Variants in STK3 observed in about 807,000 individuals in gnomAD.
STK3 encodes serine/threonine-protein kinase 3.
STK3 carries 41 observed loss-of-function variants against 58.0 expected under a neutral mutation model. That is an observed-to-expected ratio of 0.71 (90% CI 0.55 to 0.92). STK3 has a LOEUF of 0.92. Ranked by LOEUF, STK3 falls within the 40% of genes least tolerant of loss-of-function variation. The pLI is 0.00. For synonymous variants in STK3, 170 were observed against 191.0 expected, an observed-to-expected ratio of 0.89 and a Z score of 0.91; for missense variants, 479 against 602.7, an observed-to-expected ratio of 0.79 and a Z score of 2.15.
intron 4 of STK3, among the ~76,000 whole-genome samples, chr8:98,717,720 A>C (rs1308539507): frequency 6.6e-6 from 1 of 152,214 alleles, no homozygotes; most frequent in African/African-American, 2.4e-5. Flanking sequence ...TTTTTGAACA[A>C]GTTTCACCTC....
chr8:98,445,855 G>A (rs941666193), intron 1 of STK3, among the ~76,000 whole-genome samples: 15 of 152,158 alleles, frequency 9.9e-5, no homozygotes, highest in Admixed American at 2.6e-4. Context: ...TTAAACAGTA[G>A]AATTGAGTAC....
chr8:98,519,667 T>C (rs944542241), intron 10 of STK3, among the ~76,000 whole-genome samples: 1 of 152,114 alleles, frequency 6.6e-6, no homozygotes, highest in African/African-American at 2.4e-5. Context: ...GCGGAAAAAC[T>C]AGGAAAGCCC....
At chr8:98,640,269 A>G (rs927044343) in intron 6 of STK3, among the ~76,000 whole-genome samples, 3 of 152,016 alleles carry the variant, frequency 2.0e-5, no homozygotes, top group Non-Finnish European at 4.4e-5. Flanking sequence ...AGGCTGGTCT[A>G]GAACTCCTGA....
intron 3 of STK3, among the ~76,000 whole-genome samples, chr8:98,402,831 G>T (rs1271294959): frequency 2.0e-5 from 3 of 152,132 alleles, no homozygotes; most frequent in African/African-American, 7.2e-5. Context: ...CTTTACTGAT[G>T]AGCACATGTT....
chr8:98,873,237 C>T (rs1837445167), intron 3 of STK3, among the ~76,000 whole-genome samples: 1 of 152,204 alleles, frequency 6.6e-6, no homozygotes, highest in Non-Finnish European at 1.5e-5. Context: ...TTTACATTTG[C>T]TGAGGAGTGC....
intron 3 of STK3, chr8:98,429,736 T>C (rs1586558303): frequency 3.4e-6 from 1 of 291,690 alleles, no homozygotes; most frequent in South Asian, 8.2e-5. Flanking sequence ...ATTCTAGTGC[T>C]TGTGGCCCAG....
At chr8:98,842,355 G>A (rs1836025288) in intron 3 of STK3, among the ~76,000 whole-genome samples, 1 of 152,148 alleles carries the variant, frequency 6.6e-6, no homozygotes, top group South Asian at 2.1e-4. Context: ...AATTAAGAGA[G>A]ACTTGTCCTA....
chr8:98,588,059 C>T (rs1814829178), intron 7 of STK3, among the ~76,000 whole-genome samples: 2 of 152,098 alleles, frequency 1.3e-5, no homozygotes, highest in Non-Finnish European at 2.9e-5. Flanking sequence ...TCCAATTTGC[C>T]AGTCTGTGTG....
intron 1 of STK3, among the ~76,000 whole-genome samples, chr8:98,897,476 T>C (rs1838497834): frequency 6.6e-6 from 1 of 151,558 alleles, no homozygotes; most frequent in Admixed American, 6.6e-5. Flanking sequence ...GGCAGGAGAA[T>C]GGCGTGAACT....
At chr8:98,413,635 T>C in intron 3 of STK3, 1 of 747,670 alleles carries the variant, frequency 1.3e-6, no homozygotes, top group Non-Finnish European at 2.5e-6. Flanking sequence ...TCTGCCAGTT[T>C]CTCCTCACAA....
intron 10 of STK3, among the ~76,000 whole-genome samples, chr8:98,463,747 ATTTTG>A (rs1820199270): frequency 6.6e-6 from 1 of 152,136 alleles, no homozygotes; most frequent in South Asian, 2.1e-4. Flanking sequence ...TTTCTATATA[ATTTTG>A]TTTTGTCAAA....
At chr8:98,785,705 T>C (rs1026153180) in intron 1 of STK3, among the ~76,000 whole-genome samples, 1 of 152,068 alleles carries the variant, frequency 6.6e-6, no homozygotes, top group South Asian at 2.1e-4. Context: ...CATAAGCTTA[T>C]AGGCCAAACT....
chr8:98,801,279 A>G (rs142888944), intron 1 of STK3, among the ~76,000 whole-genome samples: 70 of 152,202 alleles, frequency 4.6e-4, no homozygotes, highest in Non-Finnish European at 6.9e-4. Flanking sequence ...AAAATGGACC[A>G]ATCAGTTCTC....
intron 4 of STK3, among the ~76,000 whole-genome samples, chr8:98,731,412 G>A (rs1288246658): frequency 1.3e-5 from 2 of 152,088 alleles, no homozygotes; most frequent in Non-Finnish European, 2.9e-5. Flanking sequence ...AAAGGGGAAA[G>A]GGTTCCTCTC....
At chr8:98,900,083 T>C (rs1838597301) in intron 1 of STK3, among the ~76,000 whole-genome samples, 1 of 152,164 alleles carries the variant, frequency 6.6e-6, no homozygotes, top group South Asian at 2.1e-4. Flanking sequence ...TGCTATTTAT[T>C]TATTTATTTT....
At chr8:98,584,089 T>C (rs1049827883) in intron 7 of STK3, among the ~76,000 whole-genome samples, 1 of 151,872 alleles carries the variant, frequency 6.6e-6, no homozygotes, top group Non-Finnish European at 1.5e-5. Context: ...TTTTTTTTTT[T>C]AAAGTTTTTT....
At chr8:98,939,066 G>A (rs1289588911) in intron 1 of STK3, among the ~76,000 whole-genome samples, 1 of 152,154 alleles carries the variant, frequency 6.6e-6, no homozygotes, top group Non-Finnish European at 1.5e-5. Context: ...TGTTCCCCTA[G>A]GTATCCTAAG....
At chr8:98,795,093 AAAAAAAAAAAAT>A (rs1446908921) in intron 1 of STK3, among the ~76,000 whole-genome samples, 8 of 65,280 alleles carry the variant, frequency 1.2e-4, no homozygotes, top group African/African-American at 5.2e-4. Flanking sequence ...AAAAAAAAAA[AAAAAAAAAAAAT>A]ATATATATAT....
chr8:98,356,046 CTG>C, the STK3 span, among the ~76,000 whole-genome samples: 4 of 152,208 alleles, frequency 2.6e-5, no homozygotes, highest in Non-Finnish European at 5.9e-5. Flanking sequence ...AAAGATGTCA[CTG>C]AGATTTGTGA....
Sources: allele counts gnomAD v4.1 joint callset (sites outside exome capture counted in the v4.1 genomes callset), GRCh38; gene constraint gnomAD v4.1.1; transcripts MANE v1.5; gene names NCBI Gene and HGNC (gene_info 2026-07-23, HGNC 2026-07-21).